Variants in PHTF2 observed in about 807,000 individuals in gnomAD.
PHTF2 encodes protein PHTF2.
PHTF2 carries 60 observed loss-of-function variants against 101.2 expected under a neutral mutation model. The ratio of observed to expected loss-of-function variants is 0.59; its 90% CI spans 0.48 to 0.73. PHTF2 has a LOEUF of 0.73. Among genes scored for constraint, PHTF2 ranks in the 30% least tolerant of loss-of-function variants. The probability of loss-of-function intolerance (pLI) is 0.00; values close to 1 mark genes in which losing one functional copy is unlikely to be tolerated. For missense variants in PHTF2, 747 were observed against 908.7 expected, an observed-to-expected ratio of 0.82 and a Z score of 2.29; for synonymous variants, 311 against 307.3, an observed-to-expected ratio of 1.01 and a Z score of -0.13.
At chr7:77,889,121 G>T (rs984479425) in intron 3 of PHTF2, among the ~76,000 whole-genome samples, 1 of 152,164 alleles carries the variant, frequency 6.6e-6, no homozygotes, top group Non-Finnish European at 1.5e-5. Flanking sequence ...TGAGAAGATG[G>T]TTATTCTCTT....
intron 12 of PHTF2, among the ~76,000 whole-genome samples, chr7:77,937,458 A>T (rs1232261410): frequency 6.6e-6 from 1 of 152,152 alleles, no homozygotes; most frequent in East Asian, 1.9e-4. Context: ...TTCTTATGAT[A>T]TCTGTTCAGT....
At chr7:77,820,653 C>T (rs1477423431) in intron 1 of PHTF2, among the ~76,000 whole-genome samples, 2 of 152,160 alleles carry the variant, frequency 1.3e-5, no homozygotes, top group Admixed American at 6.5e-5. Flanking sequence ...AGTGGGATTA[C>T]AAGCATGAGC....
intron 12 of PHTF2, among the ~76,000 whole-genome samples, chr7:77,932,621 A>AGAGTGTGTGT (rs759880633): frequency 2.9e-3 from 342 of 118,548 alleles, no homozygotes; most frequent in Admixed American, 3.3e-3. Context: ...AGAGAGAGAG[A>AGAGTGTGTGT]GTGTGTGTGT....
chr7:77,801,479 G>A (rs1562822621), intron 1 of PHTF2, among the ~76,000 whole-genome samples: 1 of 152,108 alleles, frequency 6.6e-6, no homozygotes, highest in Non-Finnish European at 1.5e-5. Context: ...CCAGCTACTC[G>A]GGAGGCTGAT....
intron 1 of PHTF2, among the ~76,000 whole-genome samples, chr7:77,816,963 A>G (rs543381180): frequency 4.5e-4 from 69 of 152,162 alleles, no homozygotes; most frequent in Admixed American, 7.2e-4. Context: ...TTATCCATTC[A>G]TCTGTTGTTG....
At chr7:77,860,314 T>C (rs1338806713) in intron 3 of PHTF2, among the ~76,000 whole-genome samples, 1 of 152,260 alleles carries the variant, frequency 6.6e-6, no homozygotes, top group African/African-American at 2.4e-5. Flanking sequence ...AATATTATTT[T>C]TTCTATAACT....
At chr7:77,865,605 G>A (rs1388552901) in intron 3 of PHTF2, among the ~76,000 whole-genome samples, 2 of 152,062 alleles carry the variant, frequency 1.3e-5, no homozygotes, top group Non-Finnish European at 1.5e-5. Flanking sequence ...ATTACAGCCT[G>A]ACTTGATAAT....
intron 1 of PHTF2, among the ~76,000 whole-genome samples, chr7:77,813,838 G>A (rs1344712368): frequency 6.6e-6 from 1 of 152,090 alleles, no homozygotes; most frequent in Non-Finnish European, 1.5e-5. Context: ...CTGTTAAATT[G>A]TATTGCATTC....
At chr7:77,822,052 T>G (rs533041627) in intron 1 of PHTF2, among the ~76,000 whole-genome samples, 1 of 152,118 alleles carries the variant, frequency 6.6e-6, no homozygotes, top group Non-Finnish European at 1.5e-5. Flanking sequence ...GCCCGAGGGA[T>G]GTATCAGCTG....
chr7:77,942,867 A>T (rs1584781592), intron 16 of PHTF2, 81 bp downstream of exon 15: 1 of 717,030 alleles, frequency 1.4e-6, no homozygotes, highest in East Asian at 2.9e-5. Context: ...AAATAATAAT[A>T]TAAGTAAGCC....
In PHTF2 at chr7:77,845,228, T is replaced by C. The variant is rs182398488; in HGVS notation, c.45+4928T>C. Among the ~76,000 whole-genome samples the C allele has an allele frequency of 7.9e-5, 12 of 152,334 alleles. No homozygotes were observed. The East Asian group carries it at 1.7e-3, about 22-fold the overall frequency. On this transcript the variant is annotated intron_variant, in intron 2 of 19. Coordinates refer to ENST00000416283, the Ensembl canonical transcript of PHTF2. ...TAAACAATATAGTGACCTGTAAGATTCCACTGTGACTGTGCAGATAAAATT... is the reference window on the plus strand; with the variant it reads ...TAAACAATATAGTGACCTGTAAGATCCCACTGTGACTGTGCAGATAAAATT...
At chr7:77,859,044 A>G (rs914505743) in intron 3 of PHTF2, among the ~76,000 whole-genome samples, 2 of 152,148 alleles carry the variant, frequency 1.3e-5, no homozygotes, top group African/African-American at 2.4e-5. Context: ...CTTCTAGTGA[A>G]CAATCCTTGT....
intron 1 of PHTF2, among the ~76,000 whole-genome samples, chr7:77,831,179 G>A (rs1296701543): frequency 2.6e-5 from 4 of 152,240 alleles, no homozygotes; most frequent in African/African-American, 2.4e-5. Context: ...GCTTTGTCAC[G>A]TGGAGACCAC....
At chr7:77,835,946 C>T (rs1307194608) in intron 1 of PHTF2, among the ~76,000 whole-genome samples, 1 of 151,658 alleles carries the variant, frequency 6.6e-6, no homozygotes, top group Non-Finnish European at 1.5e-5. Flanking sequence ...ATGGAGAAAC[C>T]CTGTCTCTAC....
intron 3 of PHTF2, among the ~76,000 whole-genome samples, chr7:77,880,113 AT>A (rs1415272961): frequency 6.6e-6 from 1 of 152,136 alleles, no homozygotes; most frequent in Non-Finnish European, 1.5e-5. Context: ...CGTATTTTTT[AT>A]TTTCCTGTTT....
chr7:77,890,028 C>CA (rs1025744417), intron 3 of PHTF2, among the ~76,000 whole-genome samples: 2 of 150,356 alleles, frequency 1.3e-5, no homozygotes, highest in African/African-American at 4.9e-5. Flanking sequence ...ACGCGCCCCC[C>CA]CCCACCACCA....
intron 2 of PHTF2, among the ~76,000 whole-genome samples, chr7:77,843,570 TA>T (rs975389449): frequency 2.0e-5 from 3 of 152,184 alleles, no homozygotes; most frequent in African/African-American, 7.2e-5. Flanking sequence ...ATATGCTTAC[TA>T]AAAAAAATTT....
At chr7:77,897,111 C>T (rs1800940803) in intron 5 of PHTF2, among the ~76,000 whole-genome samples, 1 of 151,678 alleles carries the variant, frequency 6.6e-6, no homozygotes. Flanking sequence ...TTTAAAGCTT[C>T]TTAAAAGACT....
chr7:77,933,797 AAAATT>A (rs1395625138), intron 12 of PHTF2, among the ~76,000 whole-genome samples: 1 of 151,806 alleles, frequency 6.6e-6, no homozygotes, highest in Non-Finnish European at 1.5e-5. Context: ...TGCCTGAAAC[AAAATT>A]AAATTTTTTC....
Sources: gnomAD v4.1 joint callset for allele counts (sites outside exome capture counted in the v4.1 genomes callset) on GRCh38, gnomAD v4.1.1 for gene constraint, MANE v1.5 for transcripts, NCBI Gene and HGNC (gene_info 2026-07-23, HGNC 2026-07-21) for gene names.